Variants in CSMD1 observed in about 807,000 individuals in gnomAD.
The protein encoded by CSMD1 is CUB and Sushi multiple domains 1.
CSMD1 carries 213 observed loss-of-function variants against 417.5 expected under a neutral mutation model. The observed-to-expected ratio is 0.51, with a 90% CI of 0.46 to 0.57. The LOEUF (loss-of-function observed/expected upper bound fraction) is 0.57, where lower values mean the gene tolerates loss of function less well. CSMD1 is among the 20% of genes least tolerant of loss of function. The probability of loss-of-function intolerance (pLI) is 0.00; values close to 1 mark genes in which losing one functional copy is unlikely to be tolerated. For missense variants in CSMD1, 6,923 were observed against 4,529.7 expected (o/e 1.53, Z -15.17); for synonymous variants, 2,862 against 1,736.8 (o/e 1.65, Z -16.11).
chr8:4,262,100 T>C (rs1178096735), intron 3 of CSMD1, among the ~76,000 whole-genome samples: 2 of 152,212 alleles, frequency 1.3e-5, no homozygotes, highest in Non-Finnish European at 2.9e-5. Context: ...TCACTATTAC[T>C]GTTACTTCTC....
At chr8:4,209,950 T>C (rs1563277859) in intron 3 of CSMD1, among the ~76,000 whole-genome samples, 1 of 152,170 alleles carries the variant, frequency 6.6e-6, no homozygotes, top group Non-Finnish European at 1.5e-5. Flanking sequence ...ATGACAATGG[T>C]AAACTGGCAT....
chr8:3,313,123 A>C (rs543745405), intron 23 of CSMD1, among the ~76,000 whole-genome samples: 40 of 152,334 alleles, frequency 2.6e-4, no homozygotes, highest in Admixed American at 4.6e-4. Context: ...GAAATCTCAG[A>C]TGGATTAAAG....
intron 1 of CSMD1, among the ~76,000 whole-genome samples, chr8:4,879,315 T>C (rs1670784108): frequency 6.6e-6 from 1 of 151,912 alleles, no homozygotes; most frequent in Admixed American, 6.6e-5. Context: ...TTAGCAGGAC[T>C]TGGAAATATA....
intron 7 of CSMD1, among the ~76,000 whole-genome samples, chr8:3,687,913 G>C (rs759925835): frequency 6.6e-6 from 1 of 152,220 alleles, no homozygotes; most frequent in Non-Finnish European, 1.5e-5. Context: ...TGTGAGCTCT[G>C]AGTAAATGCC....
chr8:4,787,725 A>T (rs978942123), intron 1 of CSMD1: 2 of 1,590,280 alleles, frequency 1.3e-6, no homozygotes, highest in Admixed American at 3.3e-5. Context: ...ATAATGACCC[A>T]CAGTGGTCTG....
rs946212787 is a variant in CSMD1 at position 3,100,965 on chromosome 8, C to A, written c.6950-3928G>T. 4.6e-5 allele frequency among the ~76,000 whole-genome samples: 7 copies of A among 151,726 alleles called. No homozygotes were observed. The South Asian group carries it at 1.5e-3, about 32-fold the overall frequency. ...GAAGGAAGCTGGAGCTGGGCAGCGG[C>A]GGTTTTTATGTCGCCTCCATCTGCT... On this transcript the variant is annotated intron_variant, in intron 46 of 69. Transcript: ENST00000635120.
intron 2 of CSMD1, among the ~76,000 whole-genome samples, chr8:4,486,204 CATATAT>C (rs1200901429): frequency 0.032 from 528 of 16,448 alleles, 9 homozygotes; most frequent in Middle Eastern, 0.094. Flanking sequence ...TATATACATA[CATATAT>C]ATATATATAT....
chr8:3,217,870 C>T (rs532251079), intron 29 of CSMD1, among the ~76,000 whole-genome samples: 7 of 152,032 alleles, frequency 4.6e-5, no homozygotes, highest in Non-Finnish European at 1.0e-4. Flanking sequence ...ATTTTTCACA[C>T]AAATTGAACT....
chr8:3,416,132 T>A (rs369093810), intron 12 of CSMD1, among the ~76,000 whole-genome samples: 1 of 150,612 alleles, frequency 6.6e-6, no homozygotes, highest in South Asian at 2.1e-4. Context: ...AAACCCCGTC[T>A]CTACTAAAAA....
At position 3,118,461 on chromosome 8, in the gene CSMD1, G is replaced by C. The variant is rs927034446; in HGVS notation, c.6368C>G (p.Pro2123Arg). ...CYPGYILIGH[P>R]VLTCQHGINR... The stretch of plus-strand genomic sequence containing the variant: ...GATCCCATGCTGACAAGTGAGGACA[G>C]GATGGCCTATTAGAATGTACCCAGG... The change falls in exon 42 of 70, where the codon CCT becomes CGT. Residue 2123 changes from proline (P) to arginine (R), a missense_variant. Physicochemically the swap from Pro to Arg is moderately radical, Grantham distance 103 (BLOSUM62 -2). Coordinates refer to ENST00000635120, the MANE Select transcript of CSMD1 (RefSeq NM_033225.6). The C allele has an allele frequency of 6.2e-7, 1 of 1,613,796 alleles. No individual in the cohort carries two copies. Among genetic ancestry groups the C allele is most frequent in the Non-Finnish European group, 8.5e-7 (1 of 1,179,830 alleles).
chr8:4,104,075 C>T (rs181881029), intron 3 of CSMD1, among the ~76,000 whole-genome samples: 1 of 152,308 alleles, frequency 6.6e-6, no homozygotes, highest in East Asian at 1.9e-4. Flanking sequence ...ATAGGTTCTC[C>T]CTCAAGACAC....
At chr8:4,289,684 C>T (rs987155501) in intron 3 of CSMD1, among the ~76,000 whole-genome samples, 3 of 152,126 alleles carry the variant, frequency 2.0e-5, no homozygotes, top group African/African-American at 7.2e-5. Context: ...AAGACATGAG[C>T]AAAACTTTCA....
At chr8:3,714,482 G>A (rs1163387720) in intron 6 of CSMD1, among the ~76,000 whole-genome samples, 1 of 149,014 alleles carries the variant, frequency 6.7e-6, no homozygotes, top group Non-Finnish European at 1.5e-5. Context: ...CAGCACTTTG[G>A]GAGGCTGAGA....
intron 55 of CSMD1, among the ~76,000 whole-genome samples, chr8:2,978,402 C>A (rs1805114204): frequency 6.6e-6 from 1 of 152,172 alleles, no homozygotes; most frequent in Non-Finnish European, 1.5e-5. Context: ...CTGAGCATAC[C>A]AGCATCCCCC....
At chr8:3,353,072 A>G (rs1481005983) in intron 21 of CSMD1, among the ~76,000 whole-genome samples, 1 of 152,186 alleles carries the variant, frequency 6.6e-6, no homozygotes, top group East Asian at 1.9e-4. Flanking sequence ...AGGTGCAATA[A>G]TTATACTACA....
chr8:3,736,426 G>C (rs554237869), intron 6 of CSMD1, among the ~76,000 whole-genome samples: 7 of 151,690 alleles, frequency 4.6e-5, no homozygotes, highest in African/African-American at 7.3e-5. Context: ...AAAAAAAAAT[G>C]TAGCAATGTG....
intron 3 of CSMD1, among the ~76,000 whole-genome samples, chr8:4,095,356 G>T (rs920909443): frequency 1.3e-5 from 2 of 152,010 alleles, no homozygotes; most frequent in Non-Finnish European, 2.9e-5. Context: ...TTGCCTGGTT[G>T]TATGTGGCTG....
intron 52 of CSMD1, among the ~76,000 whole-genome samples, chr8:3,005,929 A>C (rs1050904634): frequency 7.2e-5 from 11 of 152,230 alleles, no homozygotes; most frequent in African/African-American, 2.2e-4. Context: ...CAGGGCAATT[A>C]GGCAGGAGAA....
At chr8:4,657,336 TGA>T (rs1804296422) in intron 1 of CSMD1, among the ~76,000 whole-genome samples, 1 of 152,282 alleles carries the variant, frequency 6.6e-6, no homozygotes, top group African/African-American at 2.4e-5. Context: ...ACTGGCAGAC[TGA>T]GAGAGGATTT....
Sources: gnomAD v4.1 joint callset for allele counts (sites outside exome capture counted in the v4.1 genomes callset) on GRCh38, gnomAD v4.1.1 for gene constraint, MANE v1.5 for transcripts, NCBI Gene and HGNC (gene_info 2026-07-23, HGNC 2026-07-21) for gene names.